Variants in NSMCE1 observed in about 807,000 individuals in gnomAD.
The protein encoded by NSMCE1 is NSE1 component of SMC5/6 complex, also known as non-structural maintenance of chromosomes element 1 homolog.
A neutral mutation model predicts 29.6 loss-of-function variants in NSMCE1; 18 were observed. The ratio of observed to expected loss-of-function variants is 0.61; its 90% CI spans 0.42 to 0.90. The LOEUF is 0.90. Among genes scored for constraint, NSMCE1 ranks in the 40% least tolerant of loss-of-function variants. The pLI, the probability that NSMCE1 is intolerant of heterozygous loss-of-function variation, is 0.00. For synonymous variants in NSMCE1, 124 were observed against 133.4 expected (o/e 0.93, Z 0.49); for missense variants, 314 against 343.6 (o/e 0.91, Z 0.68).
chr16:27,234,877 G>C (rs1041801922), intron 3 of NSMCE1, among the ~76,000 whole-genome samples: 2 of 152,198 alleles, frequency 1.3e-5, no homozygotes, highest in African/African-American at 4.8e-5. Flanking sequence ...ACGGGGAGTC[G>C]GCGGCAGGAG....
chr16:27,239,657 C>T (rs2083868569), intron 2 of NSMCE1, among the ~76,000 whole-genome samples: 1 of 152,206 alleles, frequency 6.6e-6, no homozygotes, highest in East Asian at 1.9e-4. Context: ...GTTCTCTGCA[C>T]ACCACCAACC....
chr16:27,246,938 C>T (rs757354581), intron 2 of NSMCE1, among the ~76,000 whole-genome samples: 2 of 149,554 alleles, frequency 1.3e-5, no homozygotes, highest in South Asian at 4.1e-4. Flanking sequence ...AACACAACAC[C>T]GCTTCCATAT....
chr16:27,263,746 TA>T (rs1453125574), intron 1 of NSMCE1, among the ~76,000 whole-genome samples: 1 of 152,224 alleles, frequency 6.6e-6, no homozygotes, highest in East Asian at 1.9e-4. Context: ...ATACAATTGA[TA>T]AAATTCAACA....
chr16:27,238,010 C>A (rs962427373), intron 2 of NSMCE1, among the ~76,000 whole-genome samples: 2 of 152,196 alleles, frequency 1.3e-5, no homozygotes, highest in African/African-American at 4.8e-5. Context: ...ATCGCTGACC[C>A]TGTAACTGTT....
At chr16:27,257,954 G>A (rs971176983) in intron 1 of NSMCE1, 1 of 158,534 alleles carries the variant, frequency 6.3e-6, no homozygotes, top group South Asian at 2.0e-4. Flanking sequence ...TAATAGCCTG[G>A]TAACACAGTA....
chr16:27,233,055 C>T lies in NSMCE1; in HGVS notation c.429G>A (p.Lys143=). The T allele has an allele frequency of 1.2e-6, 2 of 1,614,058 alleles. No individual in the cohort carries two copies. Among genetic ancestry groups the T allele is most frequent in the Non-Finnish European group, 1.7e-6 (2 of 1,179,952 alleles). ...TCTGCAGCACCTGCTCCGCTTCCTT[C>T]TTCCTCATCTTCTTGCCTTTAAGTT... ...VDQLKGKKMR[K]KEAEQVLQKF... Residue 143 remains lysine, a synonymous_variant, in exon 5 of 8, where the codon AAG becomes AAA. Transcript: ENST00000361439.
At chr16:27,239,236 G>A (rs574690898) in intron 2 of NSMCE1, among the ~76,000 whole-genome samples, 1 of 152,296 alleles carries the variant, frequency 6.6e-6, no homozygotes, top group East Asian at 1.9e-4. Context: ...TCCTTATGAT[G>A]TCCACTAAGC....
chr16:27,236,833 C>T (rs2083831167), intron 2 of NSMCE1, among the ~76,000 whole-genome samples: 2 of 152,132 alleles, frequency 1.3e-5, no homozygotes, highest in African/African-American at 2.4e-5. Context: ...CCAAGGCCAT[C>T]GCCAGGAAGG....
intron 1 of NSMCE1, among the ~76,000 whole-genome samples, chr16:27,259,893 G>A (rs1267373574): frequency 6.6e-6 from 1 of 152,204 alleles, no homozygotes; most frequent in Admixed American, 6.5e-5. Context: ...TCTATGCTGG[G>A]AGCGGGTGTC....
chr16:27,251,195 T>TATATATATAAAA, intron 2 of NSMCE1, among the ~76,000 whole-genome samples: 1 of 78,028 alleles, frequency 1.3e-5, no homozygotes, highest in Non-Finnish European at 2.5e-5. Flanking sequence ...TATATAAATA[T>TATATATATAAAA]ATATATATAT....
intron 2 of NSMCE1, among the ~76,000 whole-genome samples, chr16:27,243,937 C>A (rs1003882274): frequency 6.6e-6 from 1 of 152,254 alleles, no homozygotes; most frequent in African/African-American, 2.4e-5. Context: ...AGGCATGTAC[C>A]ACCATGCTTG....
intron 5 of NSMCE1, 80 bp from the exon 6 acceptor site, chr16:27,226,916 C>G: frequency 1.1e-6 from 1 of 877,432 alleles, no homozygotes; most frequent in Non-Finnish European, 1.9e-6. Flanking sequence ...TGTGATCCCA[C>G]AGCCCAGTGC....
chr16:27,264,065 T>G (rs549484803), intron 1 of NSMCE1, among the ~76,000 whole-genome samples: 1 of 152,316 alleles, frequency 6.6e-6, no homozygotes, highest in South Asian at 2.1e-4. Flanking sequence ...CTACCAGCTA[T>G]AAAGACTTCT....
intron 2 of NSMCE1, among the ~76,000 whole-genome samples, chr16:27,245,002 A>T (rs2083939316): frequency 6.6e-6 from 1 of 152,162 alleles, no homozygotes; most frequent in Non-Finnish European, 1.5e-5. Context: ...ACACTATCAT[A>T]CCAGCACCAT....
At chr16:27,254,002 G>A (rs75641118) in intron 2 of NSMCE1, among the ~76,000 whole-genome samples, 3,250 of 152,186 alleles carry the variant, frequency 0.021, 116 homozygotes, top group African/African-American at 0.073. Context: ...TTGATAAACT[G>A]GACAAACACC....
Position 27,225,862 on chromosome 16 carries a change from C to T in NSMCE1, c.601-16G>A, listed in dbSNP as rs747306460. Reference sequence around the variant, plus strand: ...AGCTTTGACCCTGAAACAGGAAAGGCCAATGACGGCGGAGCTGGTGCACAC... The same window carrying T: ...AGCTTTGACCCTGAAACAGGAAAGGTCAATGACGGCGGAGCTGGTGCACAC... On this transcript the variant is annotated splice_polypyrimidine_tract_variant and intron_variant, in intron 6 of 7. Coordinates refer to ENST00000361439, the MANE Select transcript of NSMCE1 (RefSeq NM_145080.4). The T allele has an allele frequency of 1.5e-5, 24 of 1,613,482 alleles. No homozygotes were observed. Among genetic ancestry groups the T allele is most frequent in the Non-Finnish European group, 1.8e-5 (21 of 1,179,934 alleles).
intron 2 of NSMCE1, among the ~76,000 whole-genome samples, chr16:27,238,095 C>T (rs1218874280): frequency 6.6e-6 from 1 of 152,144 alleles, no homozygotes; most frequent in African/African-American, 2.4e-5. Flanking sequence ...CACTCAGCAC[C>T]CCCAAACCCT....
chr16:27,234,725 C>T (rs2083800393), intron 3 of NSMCE1, among the ~76,000 whole-genome samples: 1 of 152,206 alleles, frequency 6.6e-6, no homozygotes, highest in African/African-American at 2.4e-5. Flanking sequence ...TGGGAGCAGC[C>T]AGATGTCCTC....
chr16:27,244,616 T>C (rs1468353728), intron 2 of NSMCE1, among the ~76,000 whole-genome samples: 1 of 152,108 alleles, frequency 6.6e-6, no homozygotes, highest in African/African-American at 2.4e-5. Context: ...TCTGCAGGGC[T>C]GCCCCTCATC....
Sources: allele counts gnomAD v4.1 joint callset (sites outside exome capture counted in the v4.1 genomes callset), GRCh38; gene constraint gnomAD v4.1.1; transcripts MANE v1.5; gene names NCBI Gene and HGNC (gene_info 2026-07-23, HGNC 2026-07-21).